The following OSBPL6 variants were observed in gnomAD, a reference collection of about 807,000 sequenced individuals.
OSBPL6 encodes the protein oxysterol-binding protein-related protein 6.
A neutral mutation model predicts 125.8 loss-of-function variants in OSBPL6; 49 were observed. That is an observed-to-expected ratio of 0.39 (90% confidence interval 0.31 to 0.49). The LOEUF (loss-of-function observed/expected upper bound fraction) is 0.49, where lower values mean the gene tolerates loss of function less well. OSBPL6 is among the 20% of genes least tolerant of loss of function. The pLI is 0.88. For missense variants in OSBPL6, 986 were observed against 1,135.4 expected, an observed-to-expected ratio of 0.87 and a Z score of 1.89; for synonymous variants, 394 against 391.8, an observed-to-expected ratio of 1.01 and a Z score of -0.07.
At chr2:178,319,359 A>G (rs1374241221) in intron 3 of OSBPL6, among the ~76,000 whole-genome samples, 3 of 152,202 alleles carry the variant, frequency 2.0e-5, no homozygotes, top group Non-Finnish European at 4.4e-5. Context: ...ACTCATTTCT[A>G]CTTCTCTATA....
In OSBPL6 at chr2:178,382,428, T is replaced by C. The variant is rs746791287; in HGVS notation, c.1542T>C (p.Asp514=). ...GTTCTTCCCTTCCTTAGGCTTCAGA[T>C]GATGAGTCTTACATCAGTGATGTGA... ...SASSSENEAS[D]DESYISDVSD... The change falls in exon 16 of 25, where the codon GAT becomes GAC. Residue 514 remains aspartate, a synonymous_variant. Coordinates refer to ENST00000190611, the MANE Select transcript of OSBPL6 (RefSeq NM_032523.4). The C allele has an allele frequency of 3.1e-6, 5 of 1,604,868 alleles. No homozygotes were observed. Among genetic ancestry groups the C allele is most frequent in the Non-Finnish European group, 4.3e-6 (5 of 1,174,706 alleles).
chr2:178,368,229 G>A (rs1412810489), intron 13 of OSBPL6, among the ~76,000 whole-genome samples: 1 of 152,154 alleles, frequency 6.6e-6, no homozygotes, highest in Non-Finnish European at 1.5e-5. Context: ...ATGGCGCTTG[G>A]TTGTAGCAAA....
rs1696011851 is a variant in OSBPL6, at chr2:178,399,006, G to A, written c.*3447G>A. 6.6e-6 allele frequency: 1 copy of A among 151,768 alleles called. No homozygotes were observed. The highest frequency in any genetic ancestry group is 2.1e-4 in the South Asian group (1 of 4,800). 9.4% of individuals were successfully genotyped at this position (151,768 alleles called of 1,614,324 possible). ...TCTCTGTCATCCTAGATAATGAGGT[G>A]TTTGTGGGAGCAGAGCTCTGCACAC... is the stretch of plus-strand genomic sequence containing the variant. On this transcript the variant is annotated 3_prime_UTR_variant, in exon 25 of 25. Coordinates refer to ENST00000190611, the MANE Select transcript of OSBPL6 (RefSeq NM_032523.4).
chr2:178,350,192 C>G (rs371191445), intron 12 of OSBPL6, among the ~76,000 whole-genome samples: 1 of 152,016 alleles, frequency 6.6e-6, no homozygotes, highest in Non-Finnish European at 1.5e-5. Context: ...TATAATCAGC[C>G]GCAGAGAGTA....
chr2:178,356,528 C>G (rs1402797553), intron 12 of OSBPL6, among the ~76,000 whole-genome samples: 1 of 152,178 alleles, frequency 6.6e-6, no homozygotes, highest in Non-Finnish European at 1.5e-5. Context: ...ATCCAACTTA[C>G]AAGGGATGTG....
chr2:178,217,651 G>T (rs771409792), intron 1 of OSBPL6, among the ~76,000 whole-genome samples: 1 of 152,188 alleles, frequency 6.6e-6, no homozygotes, highest in African/African-American at 2.4e-5. Flanking sequence ...AGGGCTCACA[G>T]ATTGGTTCCA....
intron 18 of OSBPL6, 23 bp from the exon 19 acceptor site, chr2:178,385,435 T>C: frequency 6.5e-7 from 1 of 1,538,524 alleles, no homozygotes; most frequent in Non-Finnish European, 8.9e-7. Flanking sequence ...TGATACTGCC[T>C]TTTTTTTGTT....
chr2:178,320,352 T>G (rs748857067), intron 3 of OSBPL6: 1 of 1,613,152 alleles, frequency 6.2e-7, no homozygotes, highest in South Asian at 1.1e-5. Context: ...GGTTCCTGGT[T>G]TTAAGCTAAA....
intron 23 of OSBPL6, among the ~76,000 whole-genome samples, chr2:178,393,969 C>T (rs1695630937): frequency 6.6e-6 from 1 of 152,222 alleles, no homozygotes; most frequent in African/African-American, 2.4e-5. Flanking sequence ...TGACTTCACG[C>T]TCTTCTCACC....
intron 1 of OSBPL6, among the ~76,000 whole-genome samples, chr2:178,282,612 T>C (rs1366955335): frequency 6.6e-6 from 1 of 152,154 alleles, no homozygotes; most frequent in Non-Finnish European, 1.5e-5. Flanking sequence ...GAGTTCATCA[T>C]AGGAAGGAGG....
chr2:178,310,568 C>T (rs1379794166), intron 3 of OSBPL6, among the ~76,000 whole-genome samples: 1 of 151,968 alleles, frequency 6.6e-6, no homozygotes, highest in Non-Finnish European at 1.5e-5. Context: ...CAGGTGCCCG[C>T]CACCGCACCC....
At chr2:178,373,649 A>G (rs1264155512) in intron 14 of OSBPL6, among the ~76,000 whole-genome samples, 1 of 152,244 alleles carries the variant, frequency 6.6e-6, no homozygotes, top group Non-Finnish European at 1.5e-5. Flanking sequence ...CTCAGTATCA[A>G]TCAATCAAAG....
chr2:178,312,517 A>C (rs1038137784), intron 3 of OSBPL6, among the ~76,000 whole-genome samples: 7 of 151,128 alleles, frequency 4.6e-5, no homozygotes, highest in African/African-American at 1.5e-4. Flanking sequence ...GTGCAGTGGC[A>C]CAATCTCAGC....
intron 2 of OSBPL6, among the ~76,000 whole-genome samples, chr2:178,298,549 G>A (rs1191502958): frequency 6.6e-6 from 1 of 152,144 alleles, no homozygotes; most frequent in Non-Finnish European, 1.5e-5. Flanking sequence ...TCAGCCTCTT[G>A]AGTAGCTGAG....
Position 178,200,583 on chromosome 2 carries a change from C to T in OSBPL6, c.-351+5909C>T, listed in dbSNP as rs185010599. ...ACACTTCTAAAAACTGCCCACAAATCATGATGTAACTTTCTTCCTTTTTCC... is the reference window on the plus strand; with the variant it reads ...ACACTTCTAAAAACTGCCCACAAATTATGATGTAACTTTCTTCCTTTTTCC... On this transcript the variant is annotated intron_variant, in intron 1 of 24. Coordinates refer to ENST00000190611, the MANE Select transcript of OSBPL6 (RefSeq NM_032523.4). Among the ~76,000 whole-genome samples, 136 of 151,926 alleles carry T rather than the reference C, an allele frequency of 9.0e-4. 2 individuals are homozygous for T. Among genetic ancestry groups the T allele is most frequent in the African/African-American group, 3.2e-3 (132 of 41,454 alleles).
chr2:178,369,611 AG>A (rs1693189389), intron 13 of OSBPL6, among the ~76,000 whole-genome samples: 2 of 152,214 alleles, frequency 1.3e-5, no homozygotes, highest in South Asian at 4.1e-4. Flanking sequence ...ATCACATCTA[AG>A]AAAAAGAATA....
intron 1 of OSBPL6, among the ~76,000 whole-genome samples, chr2:178,249,366 T>G (rs568778818): frequency 1.3e-5 from 2 of 152,360 alleles, no homozygotes; most frequent in South Asian, 4.1e-4. Flanking sequence ...GTTTAGTAGC[T>G]ATAAATTTAT....
chr2:178,358,054 A>C (rs1214132264), intron 12 of OSBPL6, among the ~76,000 whole-genome samples: 2 of 152,064 alleles, frequency 1.3e-5, no homozygotes, highest in East Asian at 3.9e-4. Flanking sequence ...TGGACACGGC[A>C]GGGAACATCA....
At chr2:178,349,577 G>A (rs1691045713) in intron 12 of OSBPL6, among the ~76,000 whole-genome samples, 188 bp downstream of exon 12, 1 of 152,120 alleles carries the variant, frequency 6.6e-6, no homozygotes, top group African/African-American at 2.4e-5. Flanking sequence ...ACACATCACA[G>A]GTTTACAGTT....
Sources: gnomAD v4.1 joint callset for allele counts (sites outside exome capture counted in the v4.1 genomes callset) on GRCh38, gnomAD v4.1.1 for gene constraint, MANE v1.5 for transcripts, NCBI Gene and HGNC (gene_info 2026-07-23, HGNC 2026-07-21) for gene names.